RAB22A: variants seen among roughly 807,000 people sequenced by gnomAD.
RAB22A encodes the protein RAB22A, member RAS oncogene family, also known as ras-related protein Rab-22A.
Under a neutral mutation model 30.2 loss-of-function variants are expected in RAB22A, and 13 were observed. The observed-to-expected ratio is 0.43, with a 90% CI of 0.28 to 0.68. RAB22A has a LOEUF of 0.68. Ranked by LOEUF, RAB22A falls within the 30% of genes least tolerant of loss-of-function variation. The probability of loss-of-function intolerance (pLI) is 0.18; values close to 1 mark genes in which losing one functional copy is unlikely to be tolerated. For synonymous variants in RAB22A, 89 were observed against 87.2 expected (o/e 1.02, Z -0.11); for missense variants, 177 against 246.8 (o/e 0.72, Z 1.89).
In RAB22A at chr20:58,360,809, A is replaced by G. The variant is rs924944180; in HGVS notation, c.*1106A>G. 1 of 152,536 alleles carries G rather than the reference A, an allele frequency of 6.6e-6. No homozygotes were observed. The highest frequency in any genetic ancestry group is 2.4e-5 in the African/African-American group (1 of 41,380). The allele number at this position is 152,536 out of a possible 1,614,324, so 9.4% of individuals were successfully genotyped here. ...TAAAGGTTTCTCTGCCTTCCCTTCT[A>G]CCCACCCGCCTCCCACCAGATCCCA... On this transcript the variant is annotated 3_prime_UTR_variant, in exon 7 of 7. Transcript: ENST00000244040.
At chr20:58,345,804 A>G (rs1986935798) in intron 3 of RAB22A, 1 of 152,370 alleles carries the variant, frequency 6.6e-6, no homozygotes, top group African/African-American at 2.4e-5. Context: ...TGTGCCATCC[A>G]CAGCCAGGCT....
At chr20:58,328,467 A>T (rs774864129) in intron 2 of RAB22A, among the ~76,000 whole-genome samples, 75 of 152,172 alleles carry the variant, frequency 4.9e-4, no homozygotes, top group Non-Finnish European at 1.3e-4. Flanking sequence ...GGTGTGAACC[A>T]GTGTCCAGCT....
chr20:58,319,092 T>TAC (rs1209984359), intron 2 of RAB22A, among the ~76,000 whole-genome samples: 3 of 152,084 alleles, frequency 2.0e-5, no homozygotes, highest in Non-Finnish European at 2.9e-5. Context: ...GGAATTAGTA[T>TAC]ACACACACAC....
Position 58,312,472 on chromosome 20 carries a change from C to CTTTTTTTTTTTTTTT in RAB22A, c.116+1370_116+1384dup, listed in dbSNP as rs58198236. ...GCACCATGTTACTCCGGCTGGTTTT[C>CTTTTTTTTTTTTTTT]TTTTTTTTTTTTTTTTTTTTTTTTT... On this transcript the variant is annotated intron_variant, in intron 2 of 6. Coordinates refer to ENST00000244040, the MANE Select transcript of RAB22A (RefSeq NM_020673.3). Among the ~76,000 whole-genome samples, 3 of 38,710 alleles carry CTTTTTTTTTTTTTTT rather than the reference C, an allele frequency of 7.7e-5. 1 individual carries two copies. Among genetic ancestry groups the CTTTTTTTTTTTTTTT allele is most frequent in the African/African-American group, 9.9e-5 (1 of 10,110 alleles). 25.4% of individuals were successfully genotyped at this position (38,710 alleles called of 152,430 possible).
Position 58,333,257 on chromosome 20 carries a change from C to T in RAB22A, c.117-10461C>T, listed in dbSNP as rs1477087721. 4.3e-5 allele frequency among the ~76,000 whole-genome samples: 6 copies of T among 139,140 alleles called. No homozygotes were observed. The East Asian group carries it at 6.2e-4, about 14-fold the overall frequency. The allele number at this position is 139,140 out of a possible 152,430, so 91.3% of individuals were successfully genotyped here. A position where few individuals can be genotyped will look rare whatever the true frequency, so the allele number is the denominator to read the frequency against. On this transcript the variant is annotated intron_variant, in intron 2 of 6. Transcript: ENST00000244040. ...TCATGCCATTGCACTCCAGCCTGGG[C>T]GACAGAGTGAGACTCCATCATAAAT... is the stretch of plus-strand genomic sequence containing the variant.
intron 2 of RAB22A, among the ~76,000 whole-genome samples, chr20:58,335,867 A>G (rs1000462218): frequency 1.3e-5 from 2 of 152,164 alleles, no homozygotes; most frequent in Non-Finnish European, 2.9e-5. Flanking sequence ...CCTTTCCCTC[A>G]CCGCAGTTGA....
At chr20:58,314,002 C>T (rs1333554534) in intron 2 of RAB22A, among the ~76,000 whole-genome samples, 6 of 151,958 alleles carry the variant, frequency 3.9e-5, no homozygotes, top group Non-Finnish European at 5.9e-5. Context: ...TAGACCTTAC[C>T]TACAAGAAGC....
intron 2 of RAB22A, among the ~76,000 whole-genome samples, chr20:58,333,155 G>A (rs11699860): frequency 9.9e-5 from 15 of 151,708 alleles, no homozygotes; most frequent in South Asian, 4.2e-4. Context: ...TGGCGGGTAC[G>A]TGTAATGCCA....
At chr20:58,343,559 C>G (rs1184557465) in intron 2 of RAB22A, among the ~76,000 whole-genome samples, 159 bp from the exon 3 acceptor site, 1 of 152,084 alleles carries the variant, frequency 6.6e-6, no homozygotes, top group Non-Finnish European at 1.5e-5. Context: ...ATGCACTCAG[C>G]ATCTGAGCAT....
At chr20:58,316,228 C>T (rs371361823) in intron 2 of RAB22A, among the ~76,000 whole-genome samples, 29 of 152,162 alleles carry the variant, frequency 1.9e-4, no homozygotes, top group East Asian at 1.2e-3. Flanking sequence ...GAGGGAGGCT[C>T]TCAGGCATGA....
At chr20:58,337,976 G>C (rs758032319) in intron 2 of RAB22A, among the ~76,000 whole-genome samples, 7 of 152,108 alleles carry the variant, frequency 4.6e-5, no homozygotes, top group Non-Finnish European at 4.4e-5. Context: ...AATTATTATT[G>C]ACAAGTTTAG....
intron 2 of RAB22A, among the ~76,000 whole-genome samples, chr20:58,319,570 A>T (rs1181791733): frequency 6.6e-6 from 1 of 152,228 alleles, no homozygotes; most frequent in Non-Finnish European, 1.5e-5. Context: ...TTAGAATCAC[A>T]GTGCCCAGTT....
In RAB22A at chr20:58,364,775, C is replaced by T. The variant is rs530229922; in HGVS notation, c.*5072C>T. On this transcript the variant is annotated 3_prime_UTR_variant, in exon 7 of 7. Transcript: ENST00000244040. ...TTTTTTAGATGGAGTCTCACTCTGT[C>T]GCCCAGGCTGGTATGCAGTGGCGCG... is the stretch of plus-strand genomic sequence containing the variant. 2.1e-3 allele frequency: 313 copies of T among 147,052 alleles called. 1 individual carries two copies. The highest frequency in any genetic ancestry group is 7.4e-3 in the African/African-American group (291 of 39,480). 9.1% of individuals were successfully genotyped at this position (147,052 alleles called of 1,614,324 possible).
intron 2 of RAB22A, among the ~76,000 whole-genome samples, chr20:58,338,702 G>A (rs899281982): frequency 2.6e-5 from 4 of 152,204 alleles, no homozygotes; most frequent in African/African-American, 4.8e-5. Context: ...AACCCATCAA[G>A]TTCTTTGCAC....
rs2122974701 is a variant in RAB22A, at chr20:58,359,600, G to T, written c.488-6G>T. 1 of 1,593,036 alleles carries T rather than the reference G, an allele frequency of 6.3e-7. No individual in the cohort carries two copies. The highest frequency in any genetic ancestry group is 1.1e-5 in the South Asian group (1 of 90,366). ...CACTCCCTTCCCTTTTCTCATCTTG[G>T]TTTAGGTCGAAGAATTCCATCCACT... On this transcript the variant is annotated splice_polypyrimidine_tract_variant and splice_region_variant and intron_variant, in intron 6 of 6. Coordinates refer to ENST00000244040, the MANE Select transcript of RAB22A (RefSeq NM_020673.3).
At chr20:58,328,075 A>T (rs1986599510) in intron 2 of RAB22A, among the ~76,000 whole-genome samples, 1 of 152,206 alleles carries the variant, frequency 6.6e-6, no homozygotes, top group South Asian at 2.1e-4. Flanking sequence ...ATAAGAAAAT[A>T]ATCTTGATTG....
intron 2 of RAB22A, among the ~76,000 whole-genome samples, chr20:58,329,176 C>T (rs1353699453): frequency 6.6e-6 from 1 of 151,940 alleles, no homozygotes; most frequent in Non-Finnish European, 1.5e-5. Context: ...GCCTCAGCCT[C>T]CTGAGTAGCT....
chr20:58,353,927 C>T (rs1987093893), intron 5 of RAB22A, among the ~76,000 whole-genome samples: 1 of 152,174 alleles, frequency 6.6e-6, no homozygotes, highest in Non-Finnish European at 1.5e-5. Context: ...GAAAACCCTG[C>T]CATCCCTAAT....
In RAB22A at chr20:58,363,403, C is replaced by T. The variant is rs150655010; in HGVS notation, c.*3700C>T. The T allele has an allele frequency of 1.3e-5, 2 of 152,160 alleles. No homozygotes were observed. The highest frequency in any genetic ancestry group is 2.9e-5 in the Non-Finnish European group (2 of 68,032). The allele number at this position is 152,160 out of a possible 1,614,324, so 9.4% of individuals were successfully genotyped here. ...AAACATCCACGTGTCTCTGCAGGAACCTGTGTAAGTATTGTGAAAACCCTT... is the reference window on the plus strand; with the variant it reads ...AAACATCCACGTGTCTCTGCAGGAATCTGTGTAAGTATTGTGAAAACCCTT... On this transcript the variant is annotated 3_prime_UTR_variant, in exon 7 of 7. Coordinates refer to ENST00000244040, the MANE Select transcript of RAB22A (RefSeq NM_020673.3).
Sources: gnomAD v4.1 joint callset for allele counts (sites outside exome capture counted in the v4.1 genomes callset) on GRCh38, gnomAD v4.1.1 for gene constraint, MANE v1.5 for transcripts, NCBI Gene and HGNC (gene_info 2026-07-23, HGNC 2026-07-21) for gene names.